PSEN2: variants seen among roughly 807,000 people sequenced by gnomAD.
PSEN2 encodes the protein presenilin-2.
A neutral mutation model predicts 49.1 loss-of-function variants in PSEN2; 32 were observed. That is an observed-to-expected ratio of 0.65 (90% confidence interval 0.49 to 0.88). The LOEUF is 0.88. Ranked by LOEUF, PSEN2 falls within the 40% of genes least tolerant of loss-of-function variation. PSEN2 has a pLI of 0.00. For missense variants in PSEN2, 522 were observed against 586.9 expected, an observed-to-expected ratio of 0.89 and a Z score of 1.14; for synonymous variants, 255 against 244.0, an observed-to-expected ratio of 1.05 and a Z score of -0.42.
At chr1:226,879,482 ACTC>A (rs764758757) in intron 3 of PSEN2, among the ~76,000 whole-genome samples, 1 of 151,254 alleles carries the variant, frequency 6.6e-6, no homozygotes, top group African/African-American at 2.4e-5. Flanking sequence ...TTAAGCTCTT[ACTC>A]CTCCATCAGG....
intron 3 of PSEN2, among the ~76,000 whole-genome samples, chr1:226,880,178 T>G (rs1348345900): frequency 6.6e-6 from 1 of 152,148 alleles, no homozygotes; most frequent in Non-Finnish European, 1.5e-5. Context: ...AGTTTGAGAC[T>G]AGCTTGGGCA....
intron 9 of PSEN2, among the ~76,000 whole-genome samples, 157 bp from the exon 10 acceptor site, chr1:226,891,121 C>T (rs966749005): frequency 3.3e-5 from 5 of 152,188 alleles, no homozygotes; most frequent in Non-Finnish European, 7.4e-5. Context: ...CTGGACCCCT[C>T]CCACAACGGC....
intron 12 of PSEN2, among the ~76,000 whole-genome samples, chr1:226,902,305 A>G (rs115354132): frequency 0.014 from 2,095 of 152,210 alleles, 20 homozygotes; most frequent in Middle Eastern, 0.031. Context: ...ACCGCTTACC[A>G]CCTGCTGTGC....
In PSEN2 at chr1:226,890,031, C is replaced by G; in HGVS notation, c.788-4C>G. The G allele has an allele frequency of 6.2e-7, 1 of 1,611,580 alleles. No individual in the cohort carries two copies. On this transcript the variant is annotated splice_polypyrimidine_tract_variant and splice_region_variant and intron_variant, in intron 8 of 12. Coordinates refer to ENST00000366783, the MANE Select transcript of PSEN2 (RefSeq NM_000447.3). ...GTTTGACAAGGATGTCTCTGTCTTCCTAGATCTCGTGGCTGTGCTGTGTCC... is the reference window on the plus strand; with the variant it reads ...GTTTGACAAGGATGTCTCTGTCTTCGTAGATCTCGTGGCTGTGCTGTGTCC...
At chr1:226,899,782 C>T (rs1662253796), downstream of PSEN2, among the ~76,000 whole-genome samples, 1 of 151,910 alleles carries the variant, frequency 6.6e-6, no homozygotes, top group Non-Finnish European at 1.5e-5. Context: ...AAGTGGCTTT[C>T]ACCTCATGAC....
chr1:226,898,524 A>G (rs915852119), downstream of PSEN2: 14 of 152,300 alleles, frequency 9.2e-5, no homozygotes, highest in South Asian at 2.7e-3. Flanking sequence ...CAGACTTTTC[A>G]TCTTGTCTGA....
At chr1:226,880,467 A>G in intron 3 of PSEN2, 2 of 1,438,160 alleles carry the variant, frequency 1.4e-6, no homozygotes, top group Non-Finnish European at 1.8e-6. Flanking sequence ...ATCCCTGCCC[A>G]GGGTGTGAAG....
chr1:226,891,758 A>C lies in PSEN2; in HGVS notation c.986A>C (p.Asp329Ala). The C allele has an allele frequency of 6.2e-7, 1 of 1,613,994 alleles. No individual in the cohort carries two copies. Among genetic ancestry groups the C allele is most frequent in the African/African-American group, 1.3e-5 (1 of 75,008 alleles). The change falls in exon 11 of 13, where the codon GAC becomes GCC. Residue 329 changes from aspartate to alanine, a missense_variant. Physicochemically the swap from Asp to Ala is moderately radical, Grantham distance 126. Transcript: ENST00000366783. ...YDPEMEEDSYDSFGEPSYPEV... is the reference protein window; with the variant it reads ...YDPEMEEDSYASFGEPSYPEV... ...GGACACCCAGAAGAAGACTCCTATGACAGTTTTGGGGAGCCTTCATACCCC... is the reference window on the plus strand; with the variant it reads ...GGACACCCAGAAGAAGACTCCTATGCCAGTTTTGGGGAGCCTTCATACCCC...
intron 3 of PSEN2, among the ~76,000 whole-genome samples, chr1:226,881,096 C>A (rs1660957751): frequency 6.6e-6 from 1 of 152,226 alleles, no homozygotes; most frequent in Admixed American, 6.5e-5. Context: ...CCCTTCTGGA[C>A]TCTGCCCTCA....
chr1:226,884,939 A>G (rs564865937), intron 5 of PSEN2, among the ~76,000 whole-genome samples: 69 of 152,310 alleles, frequency 4.5e-4, no homozygotes, highest in African/African-American at 1.7e-3. Flanking sequence ...TTAAAAAAGA[A>G]GTAGAGTCCC....
downstream of PSEN2, among the ~76,000 whole-genome samples, chr1:226,896,309 C>G (rs766170138): frequency 6.6e-6 from 1 of 152,338 alleles, no homozygotes; most frequent in East Asian, 1.9e-4. Context: ...TCTGCCAGCC[C>G]TGAGCTGTAA....
intron 8 of PSEN2, 52 bp from the exon 9 acceptor site, chr1:226,889,983 C>G (rs937738204): frequency 4.8e-6 from 7 of 1,470,178 alleles, no homozygotes; most frequent in South Asian, 3.4e-5. Context: ...GCAGGCTCTT[C>G]TTCAGGGGGC....
At position 226,885,408 on chromosome 1, in the gene PSEN2, C is replaced by A. The variant is rs147240901; in HGVS notation, c.357-130C>A. The A allele has an allele frequency of 2.7e-5, 28 of 1,024,764 alleles. 1 individual carries two copies. In the East Asian group the frequency reaches 7.1e-4, roughly 26 times the overall value. The allele number at this position is 1,024,764 out of a possible 1,614,324, so 63.5% of individuals were successfully genotyped here. ...TGCTCATGGGGATGGTGCCCGCACTCCATCAGGGCAGCATGTGGGCAGCAT... is the reference window on the plus strand; with the variant it reads ...TGCTCATGGGGATGGTGCCCGCACTACATCAGGGCAGCATGTGGGCAGCAT... On this transcript the variant is annotated intron_variant, in intron 5 of 12. Coordinates refer to ENST00000366783, the MANE Select transcript of PSEN2 (RefSeq NM_000447.3).
At chr1:226,881,010 G>A (rs1164549507) in intron 3 of PSEN2, among the ~76,000 whole-genome samples, 1 of 152,174 alleles carries the variant, frequency 6.6e-6, no homozygotes, top group East Asian at 1.9e-4. Context: ...GGTCTTCCCT[G>A]TCTTAGTCCC....
chr1:226,894,739 T>G (rs1662012489), intron 12 of PSEN2, among the ~76,000 whole-genome samples: 1 of 152,204 alleles, frequency 6.6e-6, no homozygotes, highest in Non-Finnish European at 1.5e-5. Flanking sequence ...AGCCGTGCGC[T>G]TGGCATCTGC....
chr1:226,891,433 G>A (rs1321367998), intron 10 of PSEN2, 72 bp downstream of exon 10: 17 of 1,383,802 alleles, frequency 1.2e-5, no homozygotes, highest in Admixed American at 6.0e-5. Context: ...AGCTCTGCTC[G>A]GCCTGGCTTC....
chr1:226,883,706 G>A lies in PSEN2; in HGVS notation c.143G>A (p.Arg48Lys), dbSNP rs2102672058. The stretch of plus-strand genomic sequence containing the variant: ...CCCTCACGATGTGGTTTCCCACAGA[G>A]AAGCCAGGAGAACGAGGAGGACGGT... ...PEDGENTAQWRSQENEEDGEE... is the reference protein window; with the variant it reads ...PEDGENTAQWKSQENEEDGEE... Residue 48 changes from arginine (R) to lysine (K), a missense_variant and splice_region_variant, in exon 5 of 13, where the codon AGA becomes AAA. Transcript: ENST00000366783. The A allele has an allele frequency of 1.2e-6, 2 of 1,613,856 alleles. No homozygotes were observed. The highest frequency in any genetic ancestry group is 4.5e-5 in the East Asian group (2 of 44,888).
rs915193652 is a variant in PSEN2 at position 226,886,039 on chromosome 1, A to C, written c.498+360A>C. ...CACCACCATACCTGGCTAATTAAAA[A>C]ATTTTTTTTTGTGCAGGCTAGATCT... On this transcript the variant is annotated intron_variant, in intron 6 of 12. Transcript: ENST00000366783. Among the ~76,000 whole-genome samples the C allele has an allele frequency of 4.6e-5, 7 of 151,678 alleles. No homozygotes were observed. The South Asian group carries it at 1.5e-3, about 32-fold the overall frequency.
chr1:226,885,656 C>T lies in PSEN2; in HGVS notation c.475C>T (p.Leu159Phe). 1 of 1,610,040 alleles carries T rather than the reference C, an allele frequency of 6.2e-7. No individual in the cohort carries two copies. The highest frequency in any genetic ancestry group is 1.1e-5 in the South Asian group (1 of 91,070). ...IVVMTIFLVV[L>F]YKYRCYKFIH... is the part of the protein sequence containing the mutation. The stretch of plus-strand genomic sequence containing the variant: ...GGTTATGACCATCTTCTTGGTGGTG[C>T]TCTACAAGTACCGCTGCTACAAGGT... Residue 159 changes from leucine to phenylalanine, a missense_variant, in exon 6 of 13, where the codon CTC becomes TTC. Coordinates refer to ENST00000366783, the MANE Select transcript of PSEN2 (RefSeq NM_000447.3).
Sources: gnomAD v4.1 joint callset for allele counts (sites outside exome capture counted in the v4.1 genomes callset) on GRCh38, gnomAD v4.1.1 for gene constraint, MANE v1.5 for transcripts, NCBI Gene and HGNC (gene_info 2026-07-23, HGNC 2026-07-21) for gene names.